Variants in LRRIQ1 observed in about 807,000 individuals in gnomAD.
The protein encoded by LRRIQ1 is leucine rich repeats and IQ motif containing 1, also known as leucine-rich repeat- and IQ domain-containing protein 1.
A neutral mutation model predicts 211.9 loss-of-function variants in LRRIQ1; 210 were observed. The ratio of observed to expected loss-of-function variants is 0.99; its 90% CI spans 0.89 to 1.11. The LOEUF (loss-of-function observed/expected upper bound fraction) is 1.11. Among genes scored for constraint, LRRIQ1 ranks in the 50% most tolerant of loss-of-function variants. The pLI, the probability that LRRIQ1 is intolerant of heterozygous loss-of-function variation, is 0.00. For missense variants in LRRIQ1, 2,136 were observed against 1,939.5 expected, an observed-to-expected ratio of 1.10 and a Z score of -1.90; for synonymous variants, 699 against 650.1, an observed-to-expected ratio of 1.08 and a Z score of -1.14.
chr12:85,106,055 C>G (rs1466355017), intron 14 of LRRIQ1, among the ~76,000 whole-genome samples: 4 of 152,104 alleles, frequency 2.6e-5, no homozygotes, highest in Non-Finnish European at 5.9e-5. Context: ...CTCGGCCTCC[C>G]AAAGTGCTGG....
chr12:85,218,008 T>A (rs1894236463), intron 24 of LRRIQ1, among the ~76,000 whole-genome samples: 1 of 151,782 alleles, frequency 6.6e-6, no homozygotes, highest in African/African-American at 2.4e-5. Context: ...ATTGAGATGG[T>A]GAAACAGGAG....
chr12:85,211,646 T>C (rs1436432808), intron 24 of LRRIQ1, among the ~76,000 whole-genome samples: 1 of 152,184 alleles, frequency 6.6e-6, no homozygotes, highest in Admixed American at 6.5e-5. Flanking sequence ...TTTACTGTAT[T>C]CAAATGATTT....
At chr12:85,116,958 A>G (rs930223219) in intron 15 of LRRIQ1, among the ~76,000 whole-genome samples, 2 of 151,018 alleles carry the variant, frequency 1.3e-5, no homozygotes, top group Non-Finnish European at 2.9e-5. Context: ...TCTGTCATTG[A>G]TAGTCATTTA....
At chr12:85,209,558 A>G (rs1893734869) in intron 24 of LRRIQ1, among the ~76,000 whole-genome samples, 1 of 152,192 alleles carries the variant, frequency 6.6e-6, no homozygotes, top group African/African-American at 2.4e-5. Context: ...ATGCATTTTT[A>G]TTTGTAAGTT....
chr12:85,111,801 T>G (rs949701287), intron 15 of LRRIQ1, among the ~76,000 whole-genome samples: 3 of 152,014 alleles, frequency 2.0e-5, no homozygotes, highest in African/African-American at 7.2e-5. Flanking sequence ...GTGACCAAAT[T>G]TATTAGAGTC....
At chr12:85,271,247 T>TAAC in the LRRIQ1 span, among the ~76,000 whole-genome samples, 1 of 152,184 alleles carries the variant, frequency 6.6e-6, no homozygotes, top group Non-Finnish European at 1.5e-5. Context: ...TTTAACCCTG[T>TAAC]AACACACGTT....
intron 26 of LRRIQ1, among the ~76,000 whole-genome samples, chr12:85,234,587 G>GC (rs1895089658): frequency 6.6e-6 from 1 of 152,060 alleles, no homozygotes; most frequent in Non-Finnish European, 1.5e-5. Flanking sequence ...TAGGTATCTA[G>GC]AAGAGTATTG....
At position 85,047,314 on chromosome 12, in the gene LRRIQ1, G is replaced by A; in HGVS notation, c.522G>A (p.Trp174Ter). Residue 174 changes from tryptophan (W) to a stop codon, truncating the protein, a stop_gained, in exon 6 of 27, where the codon TGG becomes TGA. Coordinates refer to ENST00000393217, the MANE Select transcript of LRRIQ1 (RefSeq NM_001079910.2). LOFTEE classifies it high-confidence loss of function. ...EEKCRQSFEA[W>*]QEKQKELEDK... ...AATGTAGACAGTCTTTTGAGGCTTG[G>A]CAAGAGAAACAGAAGGAATTAGAAG... 1 of 1,611,968 alleles carries A rather than the reference G, an allele frequency of 6.2e-7. No individual in the cohort carries two copies.
intron 19 of LRRIQ1, among the ~76,000 whole-genome samples, chr12:85,139,260 C>CA (rs1364544225): frequency 6.6e-6 from 1 of 151,362 alleles, no homozygotes; most frequent in Non-Finnish European, 1.5e-5. Context: ...TGCTATGTAA[C>CA]AAAAAGGGCA....
rs557838706 is a variant in LRRIQ1 at position 85,123,678 on chromosome 12, C to T, written c.3558-392C>T. Reference sequence around the variant, plus strand: ...TTAAAAGTCCAATACAAATATTTTGCGTGGCAAAAGTCAATGTAGAAAGCA... The same window carrying T: ...TTAAAAGTCCAATACAAATATTTTGTGTGGCAAAAGTCAATGTAGAAAGCA... On this transcript the variant is annotated intron_variant, in intron 16 of 26. Coordinates refer to ENST00000393217, the MANE Select transcript of LRRIQ1 (RefSeq NM_001079910.2). Among the ~76,000 whole-genome samples, 22 of 152,152 alleles carry T rather than the reference C, an allele frequency of 1.4e-4. No individual in the cohort carries two copies. In the East Asian group the frequency reaches 1.9e-3, roughly 13 times the overall value.
At chr12:85,245,110 A>G (rs1895659079), downstream of LRRIQ1, 4 of 1,168,012 alleles carry the variant, frequency 3.4e-6, no homozygotes, top group Non-Finnish European at 3.4e-6. Context: ...AATTAACTGC[A>G]TCAGTTTTTA....
In LRRIQ1 at chr12:85,056,101, T is replaced by C; in HGVS notation, c.1308T>C (p.Asp436=). Residue 436 remains aspartate, a synonymous_variant, in exon 8 of 27, where the codon GAT becomes GAC. Coordinates refer to ENST00000393217, the MANE Select transcript of LRRIQ1 (RefSeq NM_001079910.2). ...ATGAAAATTCAAAGAAGCAGGAAGA[T>C]GTTCTCCTTTGGCTAGTTGAGGAAT... ...LVDENSKKQE[D]VLLWLVEESN... 1 of 1,600,666 alleles carries C rather than the reference T, an allele frequency of 6.2e-7. No individual in the cohort carries two copies. The highest frequency in any genetic ancestry group is 8.5e-7 in the Non-Finnish European group (1 of 1,176,344).
intron 11 of LRRIQ1, among the ~76,000 whole-genome samples, chr12:85,074,295 TA>T (rs1883403025): frequency 6.6e-6 from 1 of 152,002 alleles, no homozygotes; most frequent in Admixed American, 6.6e-5. Flanking sequence ...AGTTTTATTT[TA>T]TTTTTTAATT....
At chr12:85,243,313 TTTATTATTATTATTATTA>T (rs10682844) in intron 26 of LRRIQ1, among the ~76,000 whole-genome samples, 5 of 140,720 alleles carry the variant, frequency 3.6e-5, no homozygotes, top group East Asian at 4.1e-4. Flanking sequence ...ATGTATAACT[TTTATTATTATTATTATTA>T]TTATTATTAT....
chr12:85,207,586 A>C (rs1348310892), intron 24 of LRRIQ1, among the ~76,000 whole-genome samples: 1 of 152,106 alleles, frequency 6.6e-6, no homozygotes, highest in South Asian at 2.1e-4. Flanking sequence ...TGTATCTAAA[A>C]AGTTATCACC....
At chr12:85,138,423 T>G (rs1889288362) in intron 19 of LRRIQ1, among the ~76,000 whole-genome samples, 1 of 151,616 alleles carries the variant, frequency 6.6e-6, no homozygotes, top group Non-Finnish European at 1.5e-5. Context: ...TAAAGACTAC[T>G]GAAAAATTAT....
chr12:85,145,859 A>G (rs1394779001), intron 19 of LRRIQ1, among the ~76,000 whole-genome samples: 1 of 151,796 alleles, frequency 6.6e-6, no homozygotes, highest in African/African-American at 2.4e-5. Flanking sequence ...AGTCTGTAAC[A>G]AAATCTGTCG....
chr12:85,111,771 G>T (rs563613840), intron 15 of LRRIQ1, among the ~76,000 whole-genome samples: 1 of 151,870 alleles, frequency 6.6e-6, no homozygotes, highest in Non-Finnish European at 1.5e-5. Flanking sequence ...TCAGCAAACC[G>T]ATAAGAGATT....
At chr12:85,104,796 G>C (rs1886650710) in intron 14 of LRRIQ1, among the ~76,000 whole-genome samples, 1 of 151,782 alleles carries the variant, frequency 6.6e-6, no homozygotes, top group African/African-American at 2.4e-5. Context: ...CTCTTCTCTT[G>C]GGTAAATGTG....
Sources: gnomAD v4.1 joint callset for allele counts (sites outside exome capture counted in the v4.1 genomes callset) on GRCh38, gnomAD v4.1.1 for gene constraint, MANE v1.5 for transcripts, NCBI Gene and HGNC (gene_info 2026-07-23, HGNC 2026-07-21) for gene names.